BRAF: variants seen among roughly 807,000 people sequenced by gnomAD.
BRAF encodes serine/threonine-protein kinase B-raf.
BRAF carries 16 observed loss-of-function variants against 104.6 expected under a neutral mutation model. The ratio of observed to expected loss-of-function variants is 0.15; its 90% CI spans 0.10 to 0.23. The LOEUF (loss-of-function observed/expected upper bound fraction) is 0.23, where lower values mean the gene tolerates loss of function less well. Ranked by LOEUF, BRAF falls within the 10% of genes least tolerant of loss-of-function variation. The pLI is 1.00. For missense variants in BRAF, 541 were observed against 937.3 expected, an observed-to-expected ratio of 0.58 and a Z score of 5.52; for synonymous variants, 310 against 341.6, an observed-to-expected ratio of 0.91 and a Z score of 1.02.
chr7:140,893,150 G>A (rs1345303145), intron 1 of BRAF, among the ~76,000 whole-genome samples: 1 of 152,080 alleles, frequency 6.6e-6, no homozygotes, highest in South Asian at 2.1e-4. Context: ...TCCCAGGGTA[G>A]AGAACACAAC....
chr7:140,724,652 G>A lies in BRAF; in HGVS notation c.*1842C>T, dbSNP rs1028080054. The stretch of plus-strand genomic sequence containing the variant: ...ATGTTAGCAAAAATCTAATGGTAGT[G>A]AGCTTTTAGTGGCTGCAATATAGAC... On this transcript the variant is annotated 3_prime_UTR_variant, in exon 20 of 20. Transcript: ENST00000644969. 72 of 1,035,180 alleles carry A rather than the reference G, an allele frequency of 7.0e-5. No homozygotes were observed. Among genetic ancestry groups the A allele is most frequent in the Admixed American group, 5.7e-5 (1 of 17,692 alleles). 64.1% of individuals were successfully genotyped at this position (1,035,180 alleles called of 1,614,324 possible). A position where few individuals can be genotyped will look rare whatever the true frequency, so the allele number is the denominator to read the frequency against.
At chr7:140,902,780 A>G (rs1419992328) in intron 1 of BRAF, among the ~76,000 whole-genome samples, 1 of 152,234 alleles carries the variant, frequency 6.6e-6, no homozygotes, top group East Asian at 1.9e-4. Context: ...TAAAAGAAAA[A>G]TAGTTTAAGA....
At chr7:140,809,993 G>C (rs1275108997) in intron 3 of BRAF, among the ~76,000 whole-genome samples, 1 of 152,172 alleles carries the variant, frequency 6.6e-6, no homozygotes, top group East Asian at 1.9e-4. Flanking sequence ...CAGTGAGGCA[G>C]TGTGAATACA....
At chr7:140,911,455 C>G (rs1816965338) in intron 1 of BRAF, among the ~76,000 whole-genome samples, 1 of 152,130 alleles carries the variant, frequency 6.6e-6, no homozygotes, top group African/African-American at 2.4e-5. Context: ...AAAAACCCCA[C>G]AATACGATAT....
At chr7:140,883,795 T>C (rs1586534926) in intron 1 of BRAF, among the ~76,000 whole-genome samples, 1 of 152,238 alleles carries the variant, frequency 6.6e-6, no homozygotes. Flanking sequence ...ATTTTATGGA[T>C]TGTCTCTGTT....
intron 14 of BRAF, among the ~76,000 whole-genome samples, chr7:140,775,791 G>A (rs1800285201): frequency 6.6e-6 from 1 of 152,108 alleles, no homozygotes; most frequent in Non-Finnish European, 1.5e-5. Flanking sequence ...GCCGAATATA[G>A]GCTTGTAAAC....
intron 1 of BRAF, among the ~76,000 whole-genome samples, chr7:140,906,105 A>AAAAAAAAAAAAAAAAG (rs1563029463): frequency 1.3e-5 from 2 of 150,378 alleles, no homozygotes; most frequent in African/African-American, 4.9e-5. Context: ...AAAAAAAAAA[A>AAAAAAAAAAAAAAAAG]AAAGAAATTA....
At chr7:140,780,877 C>CT (rs910895708) in intron 12 of BRAF, 1 of 152,112 alleles carries the variant, frequency 6.6e-6, no homozygotes, top group African/African-American at 2.4e-5. Flanking sequence ...ATTTGCAATT[C>CT]TTTGATAACT....
chr7:140,762,597 G>A (rs1311096594), intron 14 of BRAF, among the ~76,000 whole-genome samples: 1 of 128,000 alleles, frequency 7.8e-6, no homozygotes, highest in Non-Finnish European at 1.7e-5. Context: ...AATGAATCCA[G>A]GAGCTGTTTT....
At chr7:140,764,337 T>C (rs978392903) in intron 14 of BRAF, among the ~76,000 whole-genome samples, 1 of 150,962 alleles carries the variant, frequency 6.6e-6, no homozygotes, top group Admixed American at 6.6e-5. Flanking sequence ...CCACAGCCAA[T>C]ATCATACTGA....
At chr7:140,739,368 CCTCA>C (rs1485236049) in intron 18 of BRAF, among the ~76,000 whole-genome samples, 2 of 151,980 alleles carry the variant, frequency 1.3e-5, no homozygotes, top group Non-Finnish European at 2.9e-5. Context: ...CAATACAACT[CCTCA>C]CTAATTTTTT....
chr7:140,783,144 A>C lies in BRAF; in HGVS notation c.1311T>G (p.Gly437=). 1 of 1,614,052 alleles carries C rather than the reference A, an allele frequency of 6.2e-7. No homozygotes were observed. The highest frequency in any genetic ancestry group is 8.5e-7 in the Non-Finnish European group (1 of 1,180,000). Reference sequence around the variant, plus strand: ...ATGAGGCAGGGGGGGTAGCAGACAAACCTGTGGTTGATCCTAAATTAGTGA... The same window carrying C: ...ATGAGGCAGGGGGGGTAGCAGACAACCCTGTGGTTGATCCTAAATTAGTGA... ...PGPVFRGSTT[G]LSATPPASLP... is the part of the protein sequence containing the mutation. The change falls in exon 11 of 20, where the codon GGT becomes GGG. Residue 437 remains glycine, a synonymous_variant. Transcript: ENST00000644969.
intron 18 of BRAF, 44 bp from the exon 18 acceptor site, chr7:140,734,814 G>GAAAAAAAAAAAAAA: frequency 9.4e-7 from 1 of 1,064,188 alleles, no homozygotes; most frequent in South Asian, 2.6e-5. Context: ...AAAGAAAAAA[G>GAAAAAAAAAAAAAA]AAAAAAAAAG....
intron 1 of BRAF, among the ~76,000 whole-genome samples, chr7:140,904,533 T>C (rs747066205): frequency 6.6e-6 from 1 of 152,200 alleles, no homozygotes; most frequent in Non-Finnish European, 1.5e-5. Flanking sequence ...TATCAAGTTG[T>C]GGAATTTGAT....
At chr7:140,853,420 C>T (rs1562996217) in intron 1 of BRAF, among the ~76,000 whole-genome samples, 1 of 152,012 alleles carries the variant, frequency 6.6e-6, no homozygotes, top group African/African-American at 2.4e-5. Context: ...TGCTCAAAAC[C>T]CTCCACTGGC....
At position 140,721,119 on chromosome 7, in the gene BRAF, T is replaced by C. The variant is rs948540055; in HGVS notation, c.*5375A>G. On this transcript the variant is annotated 3_prime_UTR_variant, in exon 20 of 20. Coordinates refer to ENST00000644969, the MANE Select transcript of BRAF (RefSeq NM_001374258.1). ...AAAAAATGGATACACTGGCTTACAT[T>C]GGCTGTGTCCTCATACACACTCGTC... 1.9e-6 allele frequency: 2 copies of C among 1,064,640 alleles called. No individual in the cohort carries two copies. The highest frequency in any genetic ancestry group is 2.3e-6 in the Non-Finnish European group (2 of 878,814). The allele number at this position is 1,064,640 out of a possible 1,614,324, so 65.9% of individuals were successfully genotyped here.
intron 18 of BRAF, among the ~76,000 whole-genome samples, chr7:140,737,606 A>G (rs1224801196): frequency 6.6e-6 from 1 of 152,006 alleles, no homozygotes; most frequent in East Asian, 1.9e-4. Context: ...TTTCAATGTT[A>G]TTTTTCTATA....
At chr7:140,714,034 C>T in the BRAF span, among the ~76,000 whole-genome samples, 1 of 152,166 alleles carries the variant, frequency 6.6e-6, no homozygotes, top group African/African-American at 2.4e-5. Flanking sequence ...GGGTGCCTCC[C>T]AGTTAGGCTA....
At position 140,850,168 on chromosome 7, in the gene BRAF, T is replaced by C; in HGVS notation, c.183A>G (p.Ile61Met). 1.2e-6 allele frequency: 2 copies of C among 1,612,194 alleles called. No homozygotes were observed. The highest frequency in any genetic ancestry group is 1.7e-6 in the Non-Finnish European group (2 of 1,179,138). ...CACCAAATTTGTCCAATAGGGCCTC[T>C]ATATGTTCCTGTGTCAACTTAATCA... ...KQMIKLTQEH[I>M]EALLDKFGGE... Residue 61 changes from isoleucine (I) to methionine (M), a missense_variant, in exon 2 of 20, where the codon ATA becomes ATG. This residue lies in a region of BRAF where 86 missense variants were observed against 133.9 expected (regional missense o/e 0.64). Coordinates refer to ENST00000644969, the MANE Select transcript of BRAF (RefSeq NM_001374258.1).
Sources: gnomAD v4.1 joint callset for allele counts (sites outside exome capture counted in the v4.1 genomes callset) on GRCh38, gnomAD v4.1.1 for gene constraint, gnomAD v4.1.1 regional missense constraint, MANE v1.5 for transcripts, NCBI Gene and HGNC (gene_info 2026-07-23, HGNC 2026-07-21) for gene names.